The following RYR3 variants were observed in gnomAD, a reference collection of about 807,000 sequenced individuals.
RYR3 encodes ryanodine receptor 3, also known as brain ryanodine receptor-calcium release channel.
Under a neutral mutation model 584.3 loss-of-function variants are expected in RYR3, and 207 were observed. The ratio of observed to expected loss-of-function variants is 0.35; its 90% CI spans 0.32 to 0.40. The LOEUF (loss-of-function observed/expected upper bound fraction) is 0.40. RYR3 is among the 10% of genes least tolerant of loss of function. The pLI, the probability that RYR3 is intolerant of heterozygous loss-of-function variation, is 1.00. For missense variants in RYR3, 5,616 were observed against 6,089.2 expected (o/e 0.92, Z 2.59); for synonymous variants, 2,416 against 2,248.5 (o/e 1.07, Z -2.11).
rs183716848 is a variant in RYR3, at chr15:33,411,691, C to T, written c.52-61728C>T. Among the ~76,000 whole-genome samples, 3 of 152,286 alleles carry T rather than the reference C, an allele frequency of 2.0e-5. No homozygotes were observed. In the East Asian group the frequency reaches 5.8e-4, roughly 29 times the overall value. ...TTAGGAGTTCATTTTCCTGACTGCC[C>T]ACACACAAAAATTTATGAGGGTATC... On this transcript the variant is annotated intron_variant, in intron 1 of 103. Coordinates refer to ENST00000634891, the MANE Select transcript of RYR3 (RefSeq NM_001036.6).
At chr15:33,678,214 C>T (rs1024793697) in intron 38 of RYR3, among the ~76,000 whole-genome samples, 3 of 152,194 alleles carry the variant, frequency 2.0e-5, no homozygotes, top group African/African-American at 7.2e-5. Flanking sequence ...TGTGTCCCCA[C>T]ACAAATCTCA....
At chr15:33,477,469 C>T (rs1363402354) in intron 2 of RYR3, among the ~76,000 whole-genome samples, 1 of 151,468 alleles carries the variant, frequency 6.6e-6, no homozygotes, top group East Asian at 1.9e-4. Flanking sequence ...ATGGTCCACC[C>T]TTCCTTGAAG....
At chr15:33,863,701 T>C (rs987545105) in intron 102 of RYR3, among the ~76,000 whole-genome samples, 7 of 152,178 alleles carry the variant, frequency 4.6e-5, no homozygotes, top group African/African-American at 1.7e-4. Flanking sequence ...ATTAAATACT[T>C]TCTAACTTTT....
At chr15:33,459,266 A>T (rs533645673) in intron 1 of RYR3, among the ~76,000 whole-genome samples, 1 of 152,310 alleles carries the variant, frequency 6.6e-6, no homozygotes, top group East Asian at 1.9e-4. Context: ...AAAGGAGAAA[A>T]ATTCTGGTTA....
chr15:33,831,325 A>G (rs1432085116), intron 86 of RYR3, among the ~76,000 whole-genome samples: 1 of 152,260 alleles, frequency 6.6e-6, no homozygotes, highest in African/African-American at 2.4e-5. Flanking sequence ...ATTTGCATTT[A>G]TCTAGCTACA....
chr15:33,764,033 G>T (rs2072771663), intron 60 of RYR3, among the ~76,000 whole-genome samples: 1 of 151,930 alleles, frequency 6.6e-6, no homozygotes, highest in Admixed American at 6.6e-5. Context: ...ATTCTTCAAG[G>T]ATCTAGAACC....
chr15:33,621,283 G>T (rs894231946), intron 19 of RYR3, among the ~76,000 whole-genome samples: 1 of 152,134 alleles, frequency 6.6e-6, no homozygotes, highest in Non-Finnish European at 1.5e-5. Context: ...ACACTTACTT[G>T]CTATACAAGC....
At chr15:33,669,664 A>T (rs2063698254) in intron 37 of RYR3, among the ~76,000 whole-genome samples, 1 of 152,196 alleles carries the variant, frequency 6.6e-6, no homozygotes, top group African/African-American at 2.4e-5. Flanking sequence ...AATTCCTTCT[A>T]CCTAAAAGAG....
Position 33,552,439 on chromosome 15 carries a change from C to G in RYR3, c.972+2123C>G, listed in dbSNP as rs554015526. ...CATGGGTGGAAAGTCGTCATGGTAC[C>G]ACGGGGGCCATCGGCATAGCAGAGC... On this transcript the variant is annotated intron_variant, in intron 10 of 103. Coordinates refer to ENST00000634891, the MANE Select transcript of RYR3 (RefSeq NM_001036.6). 2.3e-3 allele frequency among the ~76,000 whole-genome samples: 344 copies of G among 152,234 alleles called. 1 individual carries two copies. The highest frequency in any genetic ancestry group is 8.1e-3 in the African/African-American group (335 of 41,542).
At chr15:33,508,530 G>T (rs1364300663) in intron 3 of RYR3, among the ~76,000 whole-genome samples, 1 of 152,076 alleles carries the variant, frequency 6.6e-6, no homozygotes, top group Non-Finnish European at 1.5e-5. Flanking sequence ...GGCGCCTGTA[G>T]TCCCAGCGAC....
intron 23 of RYR3, 133 bp downstream of exon 23, chr15:33,631,426 C>T (rs1228714078): frequency 1.7e-6 from 1 of 595,766 alleles, no homozygotes; most frequent in Admixed American, 3.1e-5. Flanking sequence ...CCCCTGTTTC[C>T]TAGATGACAC....
In RYR3 at chr15:33,333,254, A is replaced by G. The variant is rs117357807; in HGVS notation, c.51+22158A>G. Among the ~76,000 whole-genome samples the G allele has an allele frequency of 8.7e-4, 133 of 152,272 alleles. 1 individual carries two copies. The East Asian group carries it at 0.021, about 24-fold the overall frequency. On this transcript the variant is annotated intron_variant, in intron 1 of 103. Transcript: ENST00000634891. ...GATATCAAAACCTGGCAGAGATACA[A>G]TAAAAAAGGAAAATTTCAGGCCAAT...
intron 20 of RYR3, among the ~76,000 whole-genome samples, chr15:33,626,090 G>A (rs768826629): frequency 1.3e-5 from 2 of 152,216 alleles, no homozygotes; most frequent in Non-Finnish European, 2.9e-5. Context: ...TGTGACTCCT[G>A]TCTGGGCTGC....
intron 67 of RYR3, among the ~76,000 whole-genome samples, chr15:33,789,652 A>ATT (rs2075000302): frequency 4.0e-5 from 1 of 24,944 alleles, no homozygotes; most frequent in Non-Finnish European, 7.1e-5. Flanking sequence ...ATATATATAT[A>ATT]TATATATTTT....
chr15:33,644,546 TGGC>T lies in RYR3; in HGVS notation c.3765+28_3765+30del, dbSNP rs905154572. 5 of 1,584,982 alleles carry T rather than the reference TGGC, an allele frequency of 3.2e-6. No homozygotes were observed. In the African/African-American group the frequency reaches 6.7e-5, roughly 21 times the overall value. ...TAATGTTACACAATGTGTGTGGCCC[TGGC>T]AGGTCAGGTGGGCCAAGGCCCTAAG... On this transcript the variant is annotated intron_variant, in intron 28 of 103. Transcript: ENST00000634891.
At chr15:33,654,949 C>T (rs990581342) in intron 32 of RYR3, among the ~76,000 whole-genome samples, 7 of 152,336 alleles carry the variant, frequency 4.6e-5, no homozygotes, top group Non-Finnish European at 7.3e-5. Flanking sequence ...AGAGTAGCCA[C>T]CTCCCATCTG....
chr15:33,718,027 C>A (rs1256855089), intron 43 of RYR3, among the ~76,000 whole-genome samples: 3 of 152,190 alleles, frequency 2.0e-5, no homozygotes, highest in Admixed American at 2.0e-4. Flanking sequence ...AGTTGCCTGG[C>A]ACCCTATCAA....
In RYR3 at chr15:33,634,662, A is replaced by G. The variant is rs967628515; in HGVS notation, c.3104A>G (p.Asp1035Gly). 5 of 1,613,808 alleles carry G rather than the reference A, an allele frequency of 3.1e-6. No individual in the cohort carries two copies. Among genetic ancestry groups the G allele is most frequent in the Non-Finnish European group, 4.2e-6 (5 of 1,179,828 alleles). The change falls in exon 25 of 104, where the codon GAC becomes GGC. Residue 1035 changes from aspartate (D) to glycine (G), a missense_variant. Coordinates refer to ENST00000634891, the MANE Select transcript of RYR3 (RefSeq NM_001036.6). ...LDERTKKSNRDSLREAVRTFV... is the reference protein window; with the variant it reads ...LDERTKKSNRGSLREAVRTFV... Reference sequence around the variant, plus strand: ...GAGCGTACCAAGAAGTCAAACAGGGACAGCCTGCGGGAAGCTGTGCGCACT... The same window carrying G: ...GAGCGTACCAAGAAGTCAAACAGGGGCAGCCTGCGGGAAGCTGTGCGCACT...
At chr15:33,554,537 C>T (rs7167178) in intron 10 of RYR3, among the ~76,000 whole-genome samples, 181 of 152,228 alleles carry the variant, frequency 1.2e-3, no homozygotes, top group African/African-American at 4.1e-3. Flanking sequence ...ACCTCGTGAT[C>T]CGCCCGCCTC....
Sources: allele counts gnomAD v4.1 joint callset (sites outside exome capture counted in the v4.1 genomes callset), GRCh38; gene constraint gnomAD v4.1.1; transcripts MANE v1.5; gene names NCBI Gene and HGNC (gene_info 2026-07-23, HGNC 2026-07-21).